Variants in RNFT2 observed in about 807,000 individuals in gnomAD.
RNFT2 encodes E3 ubiquitin-protein ligase RNFT2.
RNFT2 carries 36 observed loss-of-function variants against 53.0 expected under a neutral mutation model. The observed-to-expected ratio is 0.68, with a 90% confidence interval of 0.52 to 0.90. The LOEUF (loss-of-function observed/expected upper bound fraction) is 0.90, where lower values mean the gene tolerates loss of function less well. RNFT2 is among the 40% of genes least tolerant of loss of function. The pLI is 0.00. For synonymous variants in RNFT2, 260 were observed against 253.2 expected (o/e 1.03, Z -0.26); for missense variants, 514 against 585.6 (o/e 0.88, Z 1.26).
Position 116,836,055 on chromosome 12 carries a change from G to A in RNFT2, c.1098+30G>A, listed in dbSNP as rs530405978. On this transcript the variant is annotated intron_variant, in intron 9 of 10. Transcript: ENST00000257575. Reference sequence around the variant, plus strand: ...GTTGGCTTCAGGTGGTCCCCACCAGGGTCCTGAGAATCAGGAACTGGAAAC... The same window carrying A: ...GTTGGCTTCAGGTGGTCCCCACCAGAGTCCTGAGAATCAGGAACTGGAAAC... The A allele has an allele frequency of 1.7e-5, 28 of 1,613,192 alleles. 1 individual carries two copies. The South Asian group carries it at 1.9e-4, about 11-fold the overall frequency.
At chr12:116,775,632 C>T (rs946407272) in intron 6 of RNFT2, among the ~76,000 whole-genome samples, 1 of 152,244 alleles carries the variant, frequency 6.6e-6, no homozygotes, top group African/African-American at 2.4e-5. Flanking sequence ...CACATTCTTC[C>T]CTTATCTGCC....
chr12:116,797,483 C>A (rs368800571), intron 7 of RNFT2, among the ~76,000 whole-genome samples: 1 of 151,430 alleles, frequency 6.6e-6, no homozygotes, highest in Non-Finnish European at 1.5e-5. Flanking sequence ...CACTTGAACC[C>A]GGGAGGTGGA....
intron 4 of RNFT2, among the ~76,000 whole-genome samples, chr12:116,752,247 A>G (rs1021108173): frequency 6.6e-6 from 1 of 151,436 alleles, no homozygotes; most frequent in African/African-American, 2.4e-5. Context: ...TTTATTTCTT[A>G]TTTTCTTCTT....
chr12:116,758,717 C>T (rs1009984137), intron 5 of RNFT2, among the ~76,000 whole-genome samples: 1 of 152,178 alleles, frequency 6.6e-6, no homozygotes, highest in African/African-American at 2.4e-5. Context: ...AGGGTTTCTG[C>T]TGAGAAATCT....
intron 6 of RNFT2, among the ~76,000 whole-genome samples, chr12:116,769,578 A>T (rs760646503): frequency 1.3e-5 from 2 of 152,252 alleles, no homozygotes; most frequent in Non-Finnish European, 2.9e-5. Context: ...GAAAAACCTT[A>T]TAGAATAAGG....
chr12:116,820,097 T>C (rs112607340), intron 7 of RNFT2, among the ~76,000 whole-genome samples: 7 of 152,324 alleles, frequency 4.6e-5, no homozygotes, highest in African/African-American at 1.7e-4. Flanking sequence ...TGTTTGTTTG[T>C]TTGTTTGTTT....
At chr12:116,832,058 G>T (rs989515381) in intron 7 of RNFT2, among the ~76,000 whole-genome samples, 3 of 148,920 alleles carry the variant, frequency 2.0e-5, no homozygotes, top group African/African-American at 7.5e-5. Flanking sequence ...TTGAACCTGG[G>T]AAGTCGAGGC....
intron 6 of RNFT2, among the ~76,000 whole-genome samples, chr12:116,777,739 GC>G (rs763455596): frequency 2.2e-4 from 34 of 152,066 alleles, no homozygotes; most frequent in Non-Finnish European, 4.7e-4. Context: ...ATCAAATCCT[GC>G]CAATAACACC....
intron 10 of RNFT2, among the ~76,000 whole-genome samples, chr12:116,843,775 G>A (rs1274995252): frequency 3.9e-5 from 6 of 152,168 alleles, no homozygotes; most frequent in African/African-American, 1.4e-4. Context: ...TCTGAGGAAG[G>A]GATTGTGAGC....
At chr12:116,800,813 T>C (rs4608187) in intron 7 of RNFT2, among the ~76,000 whole-genome samples, 3,037 of 15,886 alleles carry the variant, frequency 0.19, 72 homozygotes, top group South Asian at 0.32. Flanking sequence ...GACTCCATCT[T>C]AAAATAAAAT....
At position 116,850,863 on chromosome 12, in the gene RNFT2, C is replaced by A. The variant is rs1406030851; in HGVS notation, c.*1415C>A. On this transcript the variant is annotated 3_prime_UTR_variant, in exon 11 of 11. Transcript: ENST00000257575. ...GGCCAGGCTGGCCTCAAACTCCTGA[C>A]CTCAAGTGATCCACCTGCCTCAGCC... is the stretch of plus-strand genomic sequence containing the variant. The A allele has an allele frequency of 6.6e-6, 1 of 152,008 alleles. No individual in the cohort carries two copies. Among genetic ancestry groups the A allele is most frequent in the Non-Finnish European group, 1.5e-5 (1 of 68,018 alleles). 9.4% of individuals were successfully genotyped at this position (152,008 alleles called of 1,614,324 possible).
Position 116,849,333 on chromosome 12 carries a change from G to A in RNFT2, c.1220G>A (p.Cys407Tyr). Residue 407 changes from cysteine to tyrosine, a missense_variant, in exon 11 of 11, where the codon TGC becomes TAC. Transcript: ENST00000257575. ...CCGCAGCACGTGTTCTGTGAGGAGT[G>A]CCTCTGCCTGTGGCTGGACCGTGAG... ...LLCQHVFCEE[C>Y]LCLWLDRERT... is the part of the protein sequence containing the mutation. 6.5e-7 allele frequency: 1 copy of A among 1,542,044 alleles called. No individual in the cohort carries two copies. Among genetic ancestry groups the A allele is most frequent in the Non-Finnish European group, 8.7e-7 (1 of 1,146,820 alleles).
chr12:116,852,909 A>G lies in RNFT2; in HGVS notation c.*3461A>G, dbSNP rs1592998763. 1.6e-6 allele frequency: 1 copy of G among 607,310 alleles called. No individual in the cohort carries two copies. The highest frequency in any genetic ancestry group is 2.1e-5 in the South Asian group (1 of 47,606). The allele number at this position is 607,310 out of a possible 1,614,324, so 37.6% of individuals were successfully genotyped here. A position where few individuals can be genotyped will look rare whatever the true frequency, so the allele number is the denominator to read the frequency against. ...TGGTTTCTCCAATTATGCCCATGCC[A>G]CCAAAACAATAAAACAAAATTCTCT... On this transcript the variant is annotated 3_prime_UTR_variant, in exon 11 of 11. Transcript: ENST00000257575.
At chr12:116,840,567 G>A (rs1014276340) in intron 10 of RNFT2, among the ~76,000 whole-genome samples, 3 of 152,194 alleles carry the variant, frequency 2.0e-5, no homozygotes, top group Non-Finnish European at 4.4e-5. Context: ...TGAATGAATG[G>A]CTAAGCTGGA....
intron 3 of RNFT2, among the ~76,000 whole-genome samples, chr12:116,745,467 AC>A (rs1871854082): frequency 6.6e-6 from 1 of 151,394 alleles, no homozygotes; most frequent in African/African-American, 2.4e-5. Context: ...GAGCCACCAC[AC>A]CCAGCCTGCT....
intron 6 of RNFT2, among the ~76,000 whole-genome samples, chr12:116,772,509 A>T (rs1160847980): frequency 1.3e-5 from 2 of 151,158 alleles, no homozygotes; most frequent in African/African-American, 2.4e-5. Flanking sequence ...GTTTCACCAT[A>T]TTGGCCAGAA....
chr12:116,811,743 G>A lies in RNFT2; in HGVS notation c.883-22049G>A, dbSNP rs141094684. ...TGCATCCACCCTCATGACCCTCGTG[G>A]AAATCCAGGCCCTGTTGCAGGGGGC... On this transcript the variant is annotated intron_variant, in intron 7 of 10. Transcript: ENST00000257575. Among the ~76,000 whole-genome samples, 525 of 152,340 alleles carry A rather than the reference G, an allele frequency of 3.4e-3. 4 individuals carry two copies. The highest frequency in any genetic ancestry group is 0.01 in the Middle Eastern group (3 of 294).
At position 116,852,010 on chromosome 12, in the gene RNFT2, C is replaced by T. The variant is rs1877953105; in HGVS notation, c.*2562C>T. ...CACCAACCAGGGTAGTGGCATGGAG[C>T]ACCGTAACCATCTGTGCTTCTGTGA... On this transcript the variant is annotated 3_prime_UTR_variant, in exon 11 of 11. Transcript: ENST00000257575. 1.5e-6 allele frequency: 2 copies of T among 1,376,652 alleles called. No individual in the cohort carries two copies. The highest frequency in any genetic ancestry group is 1.5e-5 in the African/African-American group (1 of 68,890). 85.3% of individuals were successfully genotyped at this position (1,376,652 alleles called of 1,614,324 possible).
chr12:116,778,470 T>A (rs1873538222), intron 6 of RNFT2, among the ~76,000 whole-genome samples: 1 of 152,222 alleles, frequency 6.6e-6, no homozygotes, highest in Non-Finnish European at 1.5e-5. Context: ...CTCCTTCATG[T>A]TATGATGCAC....
Sources: allele counts gnomAD v4.1 joint callset (sites outside exome capture counted in the v4.1 genomes callset), GRCh38; gene constraint gnomAD v4.1.1; transcripts MANE v1.5; gene names NCBI Gene and HGNC (gene_info 2026-07-23, HGNC 2026-07-21).